Variants in TENT5D observed in about 807,000 individuals in gnomAD.
TENT5D encodes the protein cancer/testis antigen 112.
For missense variants in TENT5D, 191 were observed against 287.0 expected, an observed-to-expected ratio of 0.67 and a Z score of 2.42; for synonymous variants, 103 against 100.6, an observed-to-expected ratio of 1.02 and a Z score of -0.15.
At chrX:80,364,932 T>TA (rs917808482) in intron 3 of TENT5D, among the ~76,000 whole-genome samples, 12 of 109,458 alleles carry the variant, frequency 1.1e-4, no homozygotes. Context: ...AAATCCTGCA[T>TA]AAAAAATCCA....
intron 3 of TENT5D, among the ~76,000 whole-genome samples, chrX:80,366,521 C>G (rs1308784450): frequency 1.8e-5 from 2 of 111,160 alleles, no homozygotes; most frequent in Admixed American, 1.9e-4. Context: ...TTTCCCTTTT[C>G]TCACAGAATG....
At chrX:80,401,386 T>G (rs1294670509) in intron 3 of TENT5D, among the ~76,000 whole-genome samples, 6 of 111,756 alleles carry the variant, frequency 5.4e-5, no homozygotes, top group Admixed American at 1.9e-4. Flanking sequence ...CTTTTCCTGT[T>G]TAGATGCCTT....
chrX:80,353,125 T>C (rs918133864), intron 3 of TENT5D, among the ~76,000 whole-genome samples: 1 of 112,523 alleles, frequency 8.9e-6, no homozygotes, highest in African/African-American at 3.2e-5. Context: ...TATTCTGCCA[T>C]CTTGCCAGCA....
At chrX:80,401,449 G>A (rs1306053734) in intron 3 of TENT5D, among the ~76,000 whole-genome samples, 1 of 111,412 alleles carries the variant, frequency 9.0e-6, no homozygotes, top group African/African-American at 3.3e-5. Context: ...CTACTATGTT[G>A]AATAGATGTG....
At chrX:80,362,728 C>T (rs61085078) in intron 3 of TENT5D, among the ~76,000 whole-genome samples, 10,747 of 111,251 alleles carry the variant, frequency 0.097, 518 homozygotes, top group African/African-American at 0.18. Context: ...CCCAGAGCCT[C>T]TTCCCTCTAA....
chrX:80,424,252 T>A (rs1931945163), intron 1 of TENT5D, among the ~76,000 whole-genome samples: 1 of 111,330 alleles, frequency 9.0e-6, no homozygotes, highest in South Asian at 3.7e-4. Flanking sequence ...GAAGAAACAA[T>A]GTGGGTTATT....
At chrX:80,338,690 A>T (rs1005867344) in intron 2 of TENT5D, among the ~76,000 whole-genome samples, 5 of 112,384 alleles carry the variant, frequency 4.4e-5, no homozygotes, top group African/African-American at 1.6e-4. Flanking sequence ...AATGATTTTA[A>T]GATGATCAGA....
At chrX:80,394,512 C>T (rs993127212) in intron 3 of TENT5D, among the ~76,000 whole-genome samples, 1 of 105,700 alleles carries the variant, frequency 9.5e-6, no homozygotes, top group Non-Finnish European at 1.9e-5. Flanking sequence ...CTGCCTCAGC[C>T]TCCCGAGTAG....
intron 1 of TENT5D, among the ~76,000 whole-genome samples, chrX:80,424,482 A>T (rs2147561328): frequency 8.9e-6 from 1 of 111,979 alleles, no homozygotes; most frequent in South Asian, 3.7e-4. Flanking sequence ...GCCCAGAACT[A>T]GAGTATTGTT....
intron 2 of TENT5D, among the ~76,000 whole-genome samples, chrX:80,338,419 A>ATTGAT (rs1929893740): frequency 8.9e-6 from 1 of 112,306 alleles, no homozygotes; most frequent in Non-Finnish European, 1.9e-5. Context: ...ACAGTATCTT[A>ATTGAT]ACTCAGCAGC....
intron 2 of TENT5D, among the ~76,000 whole-genome samples, chrX:80,341,805 G>A (rs1205505206): frequency 2.0e-5 from 2 of 100,702 alleles, no homozygotes; most frequent in Non-Finnish European, 4.0e-5. Flanking sequence ...TCCGCCTCCC[G>A]GGTTCACGCC....
At chrX:80,370,796 T>C (rs1930610067) in intron 3 of TENT5D, among the ~76,000 whole-genome samples, 1 of 112,008 alleles carries the variant, frequency 8.9e-6, no homozygotes, top group South Asian at 3.7e-4. Flanking sequence ...AAATAAGATA[T>C]GTTGTTACTT....
intron 1 of TENT5D, among the ~76,000 whole-genome samples, chrX:80,424,433 T>A (rs1053206992): frequency 2.1e-4 from 23 of 112,071 alleles, no homozygotes; most frequent in African/African-American, 6.8e-4. Flanking sequence ...ATGCGAACTT[T>A]ATTTACTTTT....
At chrX:80,397,324 A>C (rs1238786484) in intron 3 of TENT5D, among the ~76,000 whole-genome samples, 2 of 100,257 alleles carry the variant, frequency 2.0e-5, no homozygotes, top group Non-Finnish European at 4.0e-5. Flanking sequence ...CCCACATCTC[A>C]GACGATGGGC....
chrX:80,379,711 A>G (rs1326704558), intron 3 of TENT5D, among the ~76,000 whole-genome samples: 1 of 110,953 alleles, frequency 9.0e-6, no homozygotes, highest in African/African-American at 3.3e-5. Context: ...CAGGGAATTT[A>G]TCCATTTCTT....
At chrX:80,364,324 T>C (rs1265815517) in intron 3 of TENT5D, among the ~76,000 whole-genome samples, 1 of 111,869 alleles carries the variant, frequency 8.9e-6, no homozygotes, top group Non-Finnish European at 1.9e-5. Context: ...GTGCAGTAAA[T>C]GACACTGGTA....
chrX:80,339,872 TAG>T lies in TENT5D; in HGVS notation c.-206-2605_-206-2604del, dbSNP rs745730739. ...GTTATCGGAAATATATATATATATA[TAG>T]AGAGAGAGAGAGAGAGAGAGAGTTA... On this transcript the variant is annotated intron_variant, in intron 2 of 4. Transcript: ENST00000538312. Among the ~76,000 whole-genome samples, 437 of 103,738 alleles carry T rather than the reference TAG, an allele frequency of 4.2e-3. 1 individual carries two copies. The highest frequency in any genetic ancestry group is 5.6e-3 in the Middle Eastern group (1 of 177). 90.1% of individuals were successfully genotyped at this position (103,738 alleles called of 115,157 possible).
chrX:80,422,599 G>A (rs1385148523), intron 1 of TENT5D, among the ~76,000 whole-genome samples: 4 of 111,887 alleles, frequency 3.6e-5, no homozygotes, highest in African/African-American at 1.3e-4. Flanking sequence ...GATGGGATGG[G>A]TTTGAGGAGA....
At chrX:80,365,539 G>A (rs1004720769) in intron 3 of TENT5D, among the ~76,000 whole-genome samples, 10 of 111,101 alleles carry the variant, frequency 9.0e-5, no homozygotes, top group Non-Finnish European at 1.3e-4. Context: ...AAATATAGGA[G>A]TCCATAAAGA....
Sources: allele counts gnomAD v4.1 joint callset (sites outside exome capture counted in the v4.1 genomes callset), GRCh38; gene constraint gnomAD v4.1.1; transcripts MANE v1.5; gene names NCBI Gene and HGNC (gene_info 2026-07-23, HGNC 2026-07-21).